The following BCAS3 variants were observed in gnomAD, a reference collection of about 807,000 sequenced individuals.
The protein encoded by BCAS3 is BCAS4/BCAS3 fusion.
BCAS3 carries 53 observed loss-of-function variants against 116.1 expected under a neutral mutation model. The observed-to-expected ratio is 0.46, with a 90% CI of 0.37 to 0.57. BCAS3 has a LOEUF of 0.57. BCAS3 is among the 20% of genes least tolerant of loss of function. The pLI is 0.00. For missense variants in BCAS3, 917 were observed against 1,165.4 expected (o/e 0.79, Z 3.10); for synonymous variants, 391 against 408.2 (o/e 0.96, Z 0.51).
chr17:61,299,638 G>T (rs2053273077), intron 22 of BCAS3, among the ~76,000 whole-genome samples: 1 of 152,054 alleles, frequency 6.6e-6, no homozygotes, highest in Non-Finnish European at 1.5e-5. Context: ...TATCAAAATG[G>T]TTGCTTCACA....
chr17:60,969,029 G>C (rs1015288915), intron 14 of BCAS3, among the ~76,000 whole-genome samples: 3 of 148,792 alleles, frequency 2.0e-5, no homozygotes, highest in Non-Finnish European at 3.0e-5. Context: ...CTTGATGCCA[G>C]GCAGAATCGG....
At position 60,988,338 on chromosome 17, in the gene BCAS3, C is replaced by CTTTTTT. The variant is rs71148317; in HGVS notation, c.1222-1616_1222-1611dup. 8.1e-3 allele frequency among the ~76,000 whole-genome samples: 538 copies of CTTTTTT among 66,594 alleles called. 1 individual carries two copies. The highest frequency in any genetic ancestry group is 0.014 in the Middle Eastern group (1 of 70). The allele number at this position is 66,594 out of a possible 152,430, so 43.7% of individuals were successfully genotyped here. On this transcript the variant is annotated intron_variant, in intron 14 of 23. Coordinates refer to ENST00000407086, the MANE Select transcript of BCAS3 (RefSeq NM_017679.5). ...TTTTCTTTCCTTTTCTTTTCTTTTT[C>CTTTTTT]TTTTTTTTTTTTTTTTTTTTTTATG...
intron 2 of BCAS3, among the ~76,000 whole-genome samples, chr17:60,681,128 C>T (rs1178255346): frequency 6.6e-6 from 1 of 152,116 alleles, no homozygotes; most frequent in East Asian, 1.9e-4. Flanking sequence ...TCACCTCGGC[C>T]CAGGAGCTTG....
intron 6 of BCAS3, among the ~76,000 whole-genome samples, chr17:60,752,417 A>G (rs533603393): frequency 9.7e-6 from 1 of 102,958 alleles, no homozygotes; most frequent in East Asian, 4.1e-4. Context: ...TCACATGTGT[A>G]TTTCATTTTT....
rs997652712 is a variant in BCAS3, at chr17:61,239,295, A to T, written c.2426-129032A>T. Among the ~76,000 whole-genome samples the T allele has an allele frequency of 6.6e-6, 1 of 152,352 alleles. No individual in the cohort carries two copies. The highest frequency in any genetic ancestry group is 6.5e-5 in the Admixed American group (1 of 15,306). On this transcript the variant is annotated intron_variant, in intron 22 of 23. Coordinates refer to ENST00000407086, the MANE Select transcript of BCAS3 (RefSeq NM_017679.5). This position sits in a 1 kb window ranked among gnomAD's most constrained non-coding sequence, Gnocchi z 4.2. ...ATTTGAAGAGAAGATCTTAGTTTTT[A>T]TAGCAGTACCATCAAAGATAGTTAT...
At chr17:60,882,178 T>G (rs954029676) in intron 9 of BCAS3, among the ~76,000 whole-genome samples, 3 of 152,224 alleles carry the variant, frequency 2.0e-5, no homozygotes, top group Non-Finnish European at 4.4e-5. Context: ...AATTTGCATT[T>G]CTCTGATGGC....
In BCAS3 at chr17:61,276,086, C is replaced by A. The variant is rs1272178788; in HGVS notation, c.2426-92241C>A. 6.6e-6 allele frequency among the ~76,000 whole-genome samples: 1 copy of A among 152,062 alleles called. No homozygotes were observed. The highest frequency in any genetic ancestry group is 1.5e-5 in the Non-Finnish European group (1 of 68,008). ...CTTGTGTTGGCCGGGTGCGGTGGCT[C>A]ACGCGTGTAATCTCAGCACTTTGGG... On this transcript the variant is annotated intron_variant, in intron 22 of 23. Transcript: ENST00000407086. This position sits in a 1 kb window ranked among gnomAD's most constrained non-coding sequence, Gnocchi z 4.2.
intron 22 of BCAS3, among the ~76,000 whole-genome samples, chr17:61,301,559 C>A (rs1392789717): frequency 6.6e-6 from 1 of 152,068 alleles, no homozygotes; most frequent in Non-Finnish European, 1.5e-5. Context: ...ATCGCTTGAA[C>A]CCGGGAGGTG....
chr17:61,246,251 C>A (rs192820079), intron 22 of BCAS3, among the ~76,000 whole-genome samples: 15 of 152,026 alleles, frequency 9.9e-5, no homozygotes, highest in African/African-American at 3.4e-4. Flanking sequence ...GAGGCTGAGG[C>A]AGGCAGATGG....
In BCAS3 at chr17:61,316,263, G is replaced by A. The variant is rs1468301109; in HGVS notation, c.2426-52064G>A. Among the ~76,000 whole-genome samples, 3 of 152,114 alleles carry A rather than the reference G, an allele frequency of 2.0e-5. No homozygotes were observed. Among genetic ancestry groups the A allele is most frequent in the Non-Finnish European group, 4.4e-5 (3 of 68,034 alleles). ...GGAGGCTGCAGTGAGCCGGGATCACGCCACTGCACTCCAGCCTGGGTGATA... is the reference window on the plus strand; with the variant it reads ...GGAGGCTGCAGTGAGCCGGGATCACACCACTGCACTCCAGCCTGGGTGATA... On this transcript the variant is annotated intron_variant, in intron 22 of 23. Transcript: ENST00000407086. This position sits in a 1 kb window ranked among gnomAD's most constrained non-coding sequence, Gnocchi z 5.8.
chr17:60,716,375 G>A (rs1332068835), intron 5 of BCAS3, among the ~76,000 whole-genome samples: 1 of 152,160 alleles, frequency 6.6e-6, no homozygotes, highest in Non-Finnish European at 1.5e-5. Flanking sequence ...AATACTTAGG[G>A]TAAGACTGGA....
intron 22 of BCAS3, among the ~76,000 whole-genome samples, chr17:61,166,858 G>A (rs1230703289): frequency 6.6e-6 from 1 of 152,024 alleles, no homozygotes; most frequent in Non-Finnish European, 1.5e-5. Context: ...GGGACTACAG[G>A]CATGTGCCAC....
At chr17:61,133,920 A>T (rs963584886) in intron 22 of BCAS3, among the ~76,000 whole-genome samples, 3 of 151,114 alleles carry the variant, frequency 2.0e-5, no homozygotes, top group Non-Finnish European at 4.4e-5. Context: ...CTTACTGTGT[A>T]ATCTTTTAAC....
intron 9 of BCAS3, among the ~76,000 whole-genome samples, chr17:60,879,447 C>T (rs754239129): frequency 1.1e-4 from 16 of 152,118 alleles, no homozygotes; most frequent in Non-Finnish European, 1.9e-4. Context: ...TGATAGAGGA[C>T]TGTTAATGGA....
intron 22 of BCAS3, among the ~76,000 whole-genome samples, chr17:61,293,950 G>A (rs1019697137): frequency 3.3e-5 from 5 of 152,082 alleles, no homozygotes; most frequent in African/African-American, 1.2e-4. Flanking sequence ...TTTGGTAGAG[G>A]AGAGGTTTCA....
chr17:60,916,353 A>G (rs1262035789), intron 12 of BCAS3, among the ~76,000 whole-genome samples: 1 of 152,252 alleles, frequency 6.6e-6, no homozygotes, highest in Non-Finnish European at 1.5e-5. Context: ...ATGAACTGGT[A>G]GCCCCAAATT....
At chr17:60,809,469 C>T (rs1463728927) in intron 7 of BCAS3, among the ~76,000 whole-genome samples, 2 of 152,156 alleles carry the variant, frequency 1.3e-5, no homozygotes, top group Non-Finnish European at 2.9e-5. Flanking sequence ...CTGCTCCTGT[C>T]CCACTCCACA....
intron 22 of BCAS3, among the ~76,000 whole-genome samples, chr17:61,153,358 A>G (rs1442760864): frequency 6.6e-6 from 1 of 152,210 alleles, no homozygotes; most frequent in African/African-American, 2.4e-5. Flanking sequence ...GACTTTGAGA[A>G]TATCATTCCT....
chr17:60,923,779 G>A (rs1376788795), intron 12 of BCAS3, among the ~76,000 whole-genome samples: 7 of 152,230 alleles, frequency 4.6e-5, no homozygotes, highest in Admixed American at 3.9e-4. Context: ...GTGAATAAAA[G>A]AAACTCCATT....
Sources: gnomAD v4.1 joint callset for allele counts (sites outside exome capture counted in the v4.1 genomes callset) on GRCh38, gnomAD v4.1.1 for gene constraint, Gnocchi (gnomAD v3.1) non-coding constraint, MANE v1.5 for transcripts, NCBI Gene and HGNC (gene_info 2026-07-23, HGNC 2026-07-21) for gene names.